Variants in KIAA1217 observed in about 807,000 individuals in gnomAD.
The protein encoded by KIAA1217 is sickle tail protein homolog.
In KIAA1217, 88 loss-of-function variants were observed where a neutral mutation model predicts 163.9. That is an observed-to-expected ratio of 0.54 (90% CI 0.45 to 0.64). The LOEUF (loss-of-function observed/expected upper bound fraction) is 0.64, where lower values mean the gene tolerates loss of function less well. KIAA1217 is among the 30% of genes least tolerant of loss of function. KIAA1217 has a pLI of 0.00. For synonymous variants in KIAA1217, 903 were observed against 923.1 expected, an observed-to-expected ratio of 0.98 and a Z score of 0.39; for missense variants, 2,372 against 2,475.0, an observed-to-expected ratio of 0.96 and a Z score of 0.88.
At chr10:24,264,148 C>G (rs367804717) in intron 2 of KIAA1217, among the ~76,000 whole-genome samples, 1 of 152,058 alleles carries the variant, frequency 6.6e-6, no homozygotes, top group Non-Finnish European at 1.5e-5. Flanking sequence ...TGTGAGCCAC[C>G]GCTCCCAGCC....
chr10:24,235,153 G>C (rs546571204), intron 2 of KIAA1217, among the ~76,000 whole-genome samples: 2 of 152,122 alleles, frequency 1.3e-5, no homozygotes, highest in African/African-American at 4.8e-5. Flanking sequence ...ATTATGGTGG[G>C]CCATCTGCCT....
chr10:23,779,173 G>T, intron 1 of KIAA1217, among the ~76,000 whole-genome samples: 1 of 152,250 alleles, frequency 6.6e-6, no homozygotes, highest in East Asian at 1.9e-4. Flanking sequence ...CAGAGCTGAT[G>T]TACTGTAACT....
chr10:24,194,210 C>T (rs2066867805), intron 2 of KIAA1217, among the ~76,000 whole-genome samples: 1 of 151,648 alleles, frequency 6.6e-6, no homozygotes, highest in Non-Finnish European at 1.5e-5. Flanking sequence ...GAAAAATAAT[C>T]TCCAAGGAGC....
chr10:23,706,808 A>T (rs115103315), intron 1 of KIAA1217, among the ~76,000 whole-genome samples: 1,684 of 152,112 alleles, frequency 0.011, 26 homozygotes, highest in African/African-American at 0.038. Context: ...CACTTTTGGG[A>T]CATGTAAGAT....
intron 17 of KIAA1217, among the ~76,000 whole-genome samples, chr10:24,538,104 A>T (rs530732990): frequency 7.9e-4 from 121 of 152,326 alleles, no homozygotes; most frequent in African/African-American, 2.6e-3. Context: ...GCTACTACAG[A>T]TGGGTACCTC....
intron 4 of KIAA1217, among the ~76,000 whole-genome samples, chr10:24,438,011 A>C (rs1238798541): frequency 6.6e-6 from 1 of 151,664 alleles, no homozygotes; most frequent in Non-Finnish European, 1.5e-5. Flanking sequence ...TTAAATATTT[A>C]AATATCAACC....
intron 2 of KIAA1217, among the ~76,000 whole-genome samples, chr10:24,124,124 T>G (rs1048069175): frequency 1.3e-5 from 2 of 152,170 alleles, no homozygotes; most frequent in Admixed American, 6.5e-5. Context: ...TAAGAAACAT[T>G]TCTCCACATA....
chr10:23,775,404 T>A (rs932827638), intron 1 of KIAA1217, among the ~76,000 whole-genome samples: 5 of 152,060 alleles, frequency 3.3e-5, no homozygotes, highest in African/African-American at 1.2e-4. Context: ...TTGATTGACA[T>A]TAGAAGGGAG....
At chr10:23,719,640 A>C (rs1354389881) in intron 1 of KIAA1217, among the ~76,000 whole-genome samples, 1 of 151,946 alleles carries the variant, frequency 6.6e-6, no homozygotes, top group Non-Finnish European at 1.5e-5. Flanking sequence ...ATAAAAGGCT[A>C]TATCTATATA....
chr10:24,279,611 A>C (rs906801660), intron 2 of KIAA1217, among the ~76,000 whole-genome samples: 18 of 152,202 alleles, frequency 1.2e-4, no homozygotes, highest in Non-Finnish European at 4.4e-5. Context: ...ATAAATAGCT[A>C]TTAAATATTT....
chr10:23,749,977 TTTCTCTTC>T (rs757751135), intron 1 of KIAA1217, among the ~76,000 whole-genome samples: 2 of 152,162 alleles, frequency 1.3e-5, no homozygotes, highest in Non-Finnish European at 2.9e-5. Context: ...TTCCGTTTCC[TTTCTCTTC>T]TTCTCTTCTC....
chr10:24,387,004 A>G (rs2054101267), intron 3 of KIAA1217, among the ~76,000 whole-genome samples: 1 of 152,260 alleles, frequency 6.6e-6, no homozygotes, highest in South Asian at 2.1e-4. Context: ...AAAAACAAAA[A>G]TTCGCAGAAG....
At chr10:23,809,132 G>A (rs975850238) in intron 1 of KIAA1217, among the ~76,000 whole-genome samples, 2 of 152,024 alleles carry the variant, frequency 1.3e-5, no homozygotes, top group Non-Finnish European at 2.9e-5. Context: ...TGAATTCACA[G>A]TTCAAACGTG....
Position 24,547,514 on chromosome 10 carries a change from A to G in KIAA1217, c.*1190A>G, listed in dbSNP as rs534069681. On this transcript the variant is annotated 3_prime_UTR_variant, in exon 21 of 21. Transcript: ENST00000376454. ...TTTTTTGTACCTTGTCACTATAACTACTTCCTAGTCAAAGAACGAAATGTA... is the reference window on the plus strand; with the variant it reads ...TTTTTTGTACCTTGTCACTATAACTGCTTCCTAGTCAAAGAACGAAATGTA... 1.3e-5 allele frequency: 2 copies of G among 152,494 alleles called. No homozygotes were observed. Among genetic ancestry groups the G allele is most frequent in the East Asian group, 3.9e-4 (2 of 5,184 alleles). The allele number at this position is 152,494 out of a possible 1,614,324, so 9.4% of individuals were successfully genotyped here.
intron 2 of KIAA1217, among the ~76,000 whole-genome samples, chr10:24,298,129 GTCCTT>G (rs1270505932): frequency 6.6e-6 from 1 of 152,112 alleles, no homozygotes; most frequent in Non-Finnish European, 1.5e-5. Flanking sequence ...AGAGGATACT[GTCCTT>G]TGTTTTGTTT....
chr10:24,084,910 C>CTTT (rs1197313508), intron 2 of KIAA1217, among the ~76,000 whole-genome samples: 36 of 123,778 alleles, frequency 2.9e-4, no homozygotes, highest in African/African-American at 3.7e-4. Flanking sequence ...GCAGAGTTTA[C>CTTT]TTTTTTTTTT....
chr10:24,123,117 G>A (rs2063342653), intron 2 of KIAA1217, among the ~76,000 whole-genome samples: 1 of 134,078 alleles, frequency 7.5e-6, no homozygotes, highest in Non-Finnish European at 1.6e-5. Context: ...TGGTATCTTG[G>A]CATTTTTACT....
intron 6 of KIAA1217, among the ~76,000 whole-genome samples, chr10:24,488,843 T>C (rs568324931): frequency 3.9e-5 from 6 of 152,146 alleles, no homozygotes; most frequent in Non-Finnish European, 7.4e-5. Flanking sequence ...ACTGCCAAGA[T>C]CAAAGAGTTT....
At chr10:23,769,587 A>G (rs925376072) in intron 1 of KIAA1217, among the ~76,000 whole-genome samples, 10 of 152,198 alleles carry the variant, frequency 6.6e-5, no homozygotes, top group Non-Finnish European at 1.2e-4. Flanking sequence ...GTTCCTCCCC[A>G]AAGTTAGTTC....
Sources: gnomAD v4.1 joint callset for allele counts (sites outside exome capture counted in the v4.1 genomes callset) on GRCh38, gnomAD v4.1.1 for gene constraint, MANE v1.5 for transcripts, NCBI Gene and HGNC (gene_info 2026-07-23, HGNC 2026-07-21) for gene names.